Variants in STXBP5 observed in about 807,000 individuals in gnomAD.
STXBP5 encodes syntaxin-binding protein 5.
A neutral mutation model predicts 152.4 loss-of-function variants in STXBP5; 50 were observed. The observed-to-expected ratio is 0.33, with a 90% CI of 0.26 to 0.42. The LOEUF is 0.42. Among genes scored for constraint, STXBP5 ranks in the 10% least tolerant of loss-of-function variants. The pLI is 1.00. For synonymous variants in STXBP5, 492 were observed against 494.7 expected, an observed-to-expected ratio of 0.99 and a Z score of 0.07; for missense variants, 1,167 against 1,388.6, an observed-to-expected ratio of 0.84 and a Z score of 2.54.
chr6:147,285,729 C>A lies in STXBP5; in HGVS notation c.839-5365C>A, dbSNP rs116014545. On this transcript the variant is annotated intron_variant, in intron 8 of 27. Transcript: ENST00000321680. Reference sequence around the variant, plus strand: ...AGAAAGTTAAGAATTTTGTACCTAGCCAGGTTTTTTGCAAGATATAGAAGC... The same window carrying A: ...AGAAAGTTAAGAATTTTGTACCTAGACAGGTTTTTTGCAAGATATAGAAGC... 8.2e-3 allele frequency among the ~76,000 whole-genome samples: 1,243 copies of A among 152,056 alleles called. 19 individuals are homozygous for A. Among genetic ancestry groups the A allele is most frequent in the African/African-American group, 0.029 (1,193 of 41,504 alleles).
chr6:147,319,711 C>T (rs1782817071), intron 16 of STXBP5, among the ~76,000 whole-genome samples: 1 of 151,562 alleles, frequency 6.6e-6, no homozygotes, highest in Admixed American at 6.6e-5. Context: ...AACTTTGAAG[C>T]AGTTCAGACT....
At chr6:147,364,269 C>T in intron 25 of STXBP5, 103 bp downstream of exon 25, 16 of 1,060,552 alleles carry the variant, frequency 1.5e-5, no homozygotes, top group Non-Finnish European at 2.1e-5. Context: ...ACAAGTGAGC[C>T]TGCTTGGGAA....
At chr6:147,374,398 T>G (rs1785710681) in intron 26 of STXBP5, among the ~76,000 whole-genome samples, 2 of 152,170 alleles carry the variant, frequency 1.3e-5, no homozygotes, top group African/African-American at 4.8e-5. Context: ...ATATTTAGAA[T>G]TGTTTCATGT....
At chr6:147,320,285 C>T (rs1317227855) in intron 16 of STXBP5, among the ~76,000 whole-genome samples, 1 of 152,122 alleles carries the variant, frequency 6.6e-6, no homozygotes, top group Non-Finnish European at 1.5e-5. Context: ...ACAGAGATAG[C>T]CTTATCCTCC....
At chr6:147,317,089 TTCTG>T (rs1277327466) in intron 16 of STXBP5, among the ~76,000 whole-genome samples, 1 of 152,172 alleles carries the variant, frequency 6.6e-6, no homozygotes, top group East Asian at 1.9e-4. Flanking sequence ...GGAAAGGTGG[TTCTG>T]GTAGCACTCA....
intron 4 of STXBP5, among the ~76,000 whole-genome samples, chr6:147,256,309 A>T (rs529393620): frequency 2.1e-4 from 32 of 152,180 alleles, no homozygotes; most frequent in Non-Finnish European, 4.4e-4. Context: ...TACACATTTC[A>T]AACACATCCA....
rs566610810 is a variant in STXBP5, at chr6:147,244,629, G to A, written c.431+5359G>A. Among the ~76,000 whole-genome samples the A allele has an allele frequency of 1.1e-4, 16 of 152,244 alleles. No homozygotes were observed. The South Asian group carries it at 1.7e-3, about 16-fold the overall frequency. On this transcript the variant is annotated intron_variant, in intron 4 of 27. Transcript: ENST00000321680. ...AATAAAAATAATGGCATGCCCTAGC[G>A]TCAATAGCATTTAGAATCAGTGAAA... is the stretch of plus-strand genomic sequence containing the variant.
intron 2 of STXBP5, among the ~76,000 whole-genome samples, chr6:147,210,595 G>T (rs1776797200): frequency 6.6e-6 from 1 of 152,114 alleles, no homozygotes; most frequent in Non-Finnish European, 1.5e-5. Flanking sequence ...CCTACTAAAT[G>T]CCCATGTTGC....
At chr6:147,377,643 G>A (rs1479905884) in intron 26 of STXBP5, among the ~76,000 whole-genome samples, 6 of 152,212 alleles carry the variant, frequency 3.9e-5, no homozygotes, top group African/African-American at 1.4e-4. Context: ...TTCTCACCTG[G>A]GGGAAAGAGA....
At chr6:147,297,261 A>G (rs1192355610) in intron 9 of STXBP5, among the ~76,000 whole-genome samples, 1 of 152,178 alleles carries the variant, frequency 6.6e-6, no homozygotes, top group Non-Finnish European at 1.5e-5. Context: ...CGGATTTCTC[A>G]GCAGAAGCCT....
intron 16 of STXBP5, among the ~76,000 whole-genome samples, chr6:147,323,927 T>G (rs1161921699): frequency 6.6e-6 from 1 of 152,178 alleles, no homozygotes; most frequent in Non-Finnish European, 1.5e-5. Context: ...CCCTCTAAAG[T>G]CTGGCCCTGG....
intron 19 of STXBP5, among the ~76,000 whole-genome samples, chr6:147,338,132 A>G (rs1668807201): frequency 6.6e-6 from 1 of 152,104 alleles, no homozygotes; most frequent in African/African-American, 2.4e-5. Context: ...TCTGGCAGAA[A>G]AGCTTTATGA....
chr6:147,251,079 G>A (rs1239686253), intron 4 of STXBP5, among the ~76,000 whole-genome samples: 6 of 151,982 alleles, frequency 3.9e-5, no homozygotes, highest in African/African-American at 1.2e-4. Context: ...CATTTCCAAC[G>A]GAGGTACCCA....
chr6:147,362,618 AT>A (rs1209455576), intron 23 of STXBP5, among the ~76,000 whole-genome samples: 1 of 152,044 alleles, frequency 6.6e-6, no homozygotes, highest in Non-Finnish European at 1.5e-5. Context: ...AAATGTGTGA[AT>A]TTTTTTTCAT....
rs1351496082 is a variant in STXBP5 at position 147,315,726 on chromosome 6, A to C, written c.1614A>C (p.Glu538Asp). ...TCAGCAAGCAGGAAGTAATCACAGA[A>C]GTCATTCCGGTAATAACGTCTTAGT... ...YRFSKQEVIT[E>D]VIPMLEVRLL... Residue 538 changes from glutamate to aspartate, a missense_variant, in exon 15 of 28, where the codon GAA (glutamate) becomes GAC (aspartate). Physicochemically the swap from Glu to Asp is conservative, Grantham distance 45 (BLOSUM62 2). Transcript: ENST00000321680. 1 of 1,612,464 alleles carries C rather than the reference A, an allele frequency of 6.2e-7. No homozygotes were observed. The highest frequency in any genetic ancestry group is 1.1e-5 in the South Asian group (1 of 91,034).
chr6:147,279,712 T>A (rs1442002734), intron 8 of STXBP5, among the ~76,000 whole-genome samples: 1 of 152,174 alleles, frequency 6.6e-6, no homozygotes, highest in Non-Finnish European at 1.5e-5. Flanking sequence ...AGGTTCAAGT[T>A]TTTCTTAATG....
intron 6 of STXBP5, among the ~76,000 whole-genome samples, chr6:147,265,379 T>G (rs1376926261): frequency 6.6e-6 from 1 of 152,132 alleles, no homozygotes; most frequent in Admixed American, 6.6e-5. Flanking sequence ...CAAACAGATA[T>G]AGACTAATCA....
intron 2 of STXBP5, among the ~76,000 whole-genome samples, chr6:147,207,282 A>G (rs529604364): frequency 2.6e-5 from 4 of 152,320 alleles, no homozygotes; most frequent in South Asian, 4.1e-4. Flanking sequence ...TTAATGTGCT[A>G]TCTTCAAAAT....
intron 18 of STXBP5, among the ~76,000 whole-genome samples, 181 bp downstream of exon 18, chr6:147,327,457 C>CT (rs989607127): frequency 2.0e-5 from 3 of 150,988 alleles, no homozygotes; most frequent in South Asian, 4.2e-4. Flanking sequence ...TGTGGTTTTG[C>CT]TTTTTTTTTG....
Sources: gnomAD v4.1 joint callset for allele counts (sites outside exome capture counted in the v4.1 genomes callset) on GRCh38, gnomAD v4.1.1 for gene constraint, MANE v1.5 for transcripts, NCBI Gene and HGNC (gene_info 2026-07-23, HGNC 2026-07-21) for gene names.